The following FLT4 variants were observed in gnomAD, a reference collection of about 807,000 sequenced individuals.
FLT4 encodes the protein fms related receptor tyrosine kinase 4.
FLT4 carries 30 observed loss-of-function variants against 163.2 expected under a neutral mutation model. That is an observed-to-expected ratio of 0.18 (90% CI 0.14 to 0.25). The LOEUF is 0.25. Among genes scored for constraint, FLT4 ranks in the 10% least tolerant of loss-of-function variants. The pLI, the probability that FLT4 is intolerant of heterozygous loss-of-function variation, is 1.00. For missense variants in FLT4, 1,510 were observed against 1,863.8 expected, an observed-to-expected ratio of 0.81 and a Z score of 3.50; for synonymous variants, 884 against 789.5, an observed-to-expected ratio of 1.12 and a Z score of -2.01.
At chr5:180,626,611 A>G (rs1405815765) in intron 8 of FLT4, among the ~76,000 whole-genome samples, 1 of 152,184 alleles carries the variant, frequency 6.6e-6, no homozygotes, top group East Asian at 1.9e-4. Context: ...CTGTGGCTGC[A>G]GACAGCCTTC....
intron 1 of FLT4, among the ~76,000 whole-genome samples, chr5:180,637,330 G>GAAA (rs375090031): frequency 8.4e-6 from 1 of 118,814 alleles, no homozygotes; most frequent in Non-Finnish European, 1.7e-5. Context: ...TCCGTCTCAG[G>GAAA]AAAAAAAAAA....
Position 180,629,953 on chromosome 5 carries a change from C to T in FLT4, c.666G>A (p.Val222=), listed in dbSNP as rs1161576319. The change falls in exon 5 of 30, where the codon GTG becomes GTA. Residue 222 remains valine (V), a synonymous_variant. Coordinates refer to ENST00000261937, the MANE Select transcript of FLT4 (RefSeq NM_182925.5). ...GCACAGCCCTGTTACCTGTGATGTG[C>T]ACCAGGAAGGGGTTGGAAAGGAAGT... is the stretch of plus-strand genomic sequence containing the variant. ...DQDFLSNPFL[V]HITGNELYDI... 6.2e-7 allele frequency: 1 copy of T among 1,612,862 alleles called. No individual in the cohort carries two copies.
intron 29 of FLT4, among the ~76,000 whole-genome samples, chr5:180,606,255 C>T (rs1049283423): frequency 1.3e-5 from 2 of 152,244 alleles, no homozygotes; most frequent in African/African-American, 4.8e-5. Flanking sequence ...CTTTCTTCTT[C>T]CTCTACCACC....
intron 7 of FLT4, 52 bp from the exon 8 acceptor site, chr5:180,629,051 G>T: frequency 6.6e-7 from 1 of 1,515,584 alleles, no homozygotes; most frequent in South Asian, 1.1e-5. Context: ...GTCGTGGACT[G>T]ACCAGGGACT....
chr5:180,615,821 T>A (rs1352106391), intron 23 of FLT4, among the ~76,000 whole-genome samples: 1 of 16,846 alleles, frequency 5.9e-5, no homozygotes, highest in African/African-American at 2.8e-4. Flanking sequence ...TTCGGAGCAC[T>A]GGGCCTGCCG....
intron 23 of FLT4, among the ~76,000 whole-genome samples, chr5:180,615,445 C>T (rs112115582): frequency 6.1e-3 from 128 of 20,934 alleles, no homozygotes; most frequent in South Asian, 0.015. Context: ...GCACTGGGCC[C>T]GCCGGTCACC....
chr5:180,613,809 T>C, intron 24 of FLT4: 2 of 528,694 alleles, frequency 3.8e-6, no homozygotes, highest in Non-Finnish European at 7.0e-6. Flanking sequence ...GGGGCTGCCA[T>C]GTGAAAAGGC....
Position 180,611,479 on chromosome 5 carries a change from C to T in FLT4, c.3538G>A (p.Glu1180Lys). Reference protein sequence around the residue: ...GDLLQGRGLQEEEEVCMAPRS... With the variant: ...GDLLQGRGLQKEEEVCMAPRS... ...GGGGCCATGCAGACCTCCTCTTCCT[C>T]CTGGCGGGAACAGGAGAGGCAGCCA... The change falls in exon 27 of 30, where the codon GAG becomes AAG. Residue 1180 changes from glutamate (E) to lysine (K), a missense_variant and splice_region_variant. By Grantham distance (56) the Glu-to-Lys change is moderately conservative. Transcript: ENST00000261937. 1 of 1,613,618 alleles carries T rather than the reference C, an allele frequency of 6.2e-7. No individual in the cohort carries two copies. Among genetic ancestry groups the T allele is most frequent in the South Asian group, 1.1e-5 (1 of 91,070 alleles).
At chr5:180,621,385 C>T (rs879836858) in intron 13 of FLT4, 133 bp from the exon 14 acceptor site, 100 of 1,392,514 alleles carry the variant, frequency 7.2e-5, no homozygotes, top group Admixed American at 9.5e-5. Context: ...AGGAGCGCGG[C>T]GCGCCTCCGC....
chr5:180,646,219 T>C (rs1049986536), intron 1 of FLT4, among the ~76,000 whole-genome samples: 1 of 152,152 alleles, frequency 6.6e-6, no homozygotes, highest in African/African-American at 2.4e-5. Flanking sequence ...GGTCTCCCTT[T>C]GATAAATTAT....
intron 29 of FLT4, among the ~76,000 whole-genome samples, chr5:180,606,431 C>G (rs1371587935): frequency 6.6e-6 from 1 of 152,206 alleles, no homozygotes; most frequent in Non-Finnish European, 1.5e-5. Context: ...ACACTCTCCT[C>G]TCACGGGACG....
rs1763560824 is a variant in FLT4 at position 180,625,869 on chromosome 5, A to C, written c.1421T>G (p.Leu474Arg). 1 of 1,611,248 alleles carries C rather than the reference A, an allele frequency of 6.2e-7. No homozygotes were observed. The highest frequency in any genetic ancestry group is 8.5e-7 in the Non-Finnish European group (1 of 1,179,868). ...TPCKMFAQRS[L>R]RRRQQQDLMP... ...GACCTGAGGCTGGAGCTGTACTCAC[A>C]GACTACGCTGGGCAAACATCTTGCA... The change falls in exon 10 of 30, where the codon CTC becomes CGC. Residue 474 changes from leucine (L) to arginine (R), a missense_variant and splice_region_variant. Coordinates refer to ENST00000261937, the MANE Select transcript of FLT4 (RefSeq NM_182925.5).
chr5:180,634,220 T>A (rs541522506), intron 1 of FLT4, among the ~76,000 whole-genome samples: 1 of 152,290 alleles, frequency 6.6e-6, no homozygotes, highest in East Asian at 1.9e-4. Context: ...AGGGCCTCCC[T>A]CTTTAGGGTC....
intron 29 of FLT4, among the ~76,000 whole-genome samples, 174 bp downstream of exon 29, chr5:180,608,794 C>T (rs532062209): frequency 4.6e-5 from 7 of 152,234 alleles, no homozygotes; most frequent in South Asian, 2.1e-4. Flanking sequence ...GGGGCTCCCG[C>T]GGTGCTGTAG....
chr5:180,610,885 G>A (rs1048945089), intron 27 of FLT4, among the ~76,000 whole-genome samples: 7 of 152,106 alleles, frequency 4.6e-5, no homozygotes, highest in Admixed American at 6.5e-5. Context: ...GTGAAACCCC[G>A]TCTCTACTAA....
chr5:180,648,593 G>A (rs1765589501), intron 1 of FLT4, among the ~76,000 whole-genome samples: 1 of 152,028 alleles, frequency 6.6e-6, no homozygotes, highest in Non-Finnish European at 1.5e-5. Context: ...AGCTCCGTGG[G>A]GACTCCCAGC....
rs779323987 is a variant in FLT4, at chr5:180,620,697, C to A, written c.2318G>T (p.Ser773Ile). 1.8e-5 allele frequency: 29 copies of A among 1,613,452 alleles called. No individual in the cohort carries two copies. In the South Asian group the frequency reaches 2.0e-4, roughly 11 times the overall value. The change falls in exon 16 of 30, where the codon AGC becomes ATC. Residue 773 changes from serine to isoleucine, a missense_variant. By Grantham distance (142) the Ser-to-Ile change is moderately radical. Coordinates refer to ENST00000261937, the MANE Select transcript of FLT4 (RefSeq NM_182925.5). This position sits in a 1 kb window ranked among gnomAD's most constrained non-coding sequence, Gnocchi z 4.4. ...ACCGACAAGGATCACGATCTCCATGCTGCCCTTATCCTCGGAGCCTGCGTG... is the reference window on the plus strand; with the variant it reads ...ACCGACAAGGATCACGATCTCCATGATGCCCTTATCCTCGGAGCCTGCGTG... Reference protein sequence around the residue: ...VAVEGSEDKGSMEIVILVGTG... With the variant: ...VAVEGSEDKGIMEIVILVGTG...
intron 18 of FLT4, 95 bp downstream of exon 18, chr5:180,619,570 C>G: frequency 9.1e-7 from 1 of 1,096,642 alleles, no homozygotes; most frequent in South Asian, 1.2e-5. Context: ...GGCTTCCAGC[C>G]TCAGTCTCCC....
At position 180,619,031 on chromosome 5, in the gene FLT4, C is replaced by T; in HGVS notation, c.2840G>A (p.Ser947Asn). ...NFLRAKRDAF[S>N]PCAEKSPEQR... is the part of the protein sequence containing the mutation. ...AGGCCGCCCGCTCACCGCGCAGGGG[C>T]TGAAGGCGTCCCGCTTGGCGCGCAG... The change falls in exon 20 of 30, where the codon AGC becomes AAC. Residue 947 changes from serine (S) to asparagine (N), a missense_variant. By Grantham distance (46) the Ser-to-Asn change is conservative (BLOSUM62 1). Transcript: ENST00000261937. The T allele has an allele frequency of 1.9e-6, 3 of 1,553,430 alleles. No homozygotes were observed. Among genetic ancestry groups the T allele is most frequent in the Non-Finnish European group, 2.6e-6 (3 of 1,149,472 alleles).
Sources: gnomAD v4.1 joint callset for allele counts (sites outside exome capture counted in the v4.1 genomes callset) on GRCh38, gnomAD v4.1.1 for gene constraint, Gnocchi (gnomAD v3.1) non-coding constraint, MANE v1.5 for transcripts, NCBI Gene and HGNC (gene_info 2026-07-23, HGNC 2026-07-21) for gene names.